Variants in HEG1 observed in about 807,000 individuals in gnomAD.
The protein encoded by HEG1 is heart development protein with EGF like domains 1.
In HEG1, 56 loss-of-function variants were observed where a neutral mutation model predicts 125.6. The ratio of observed to expected loss-of-function variants is 0.45; its 90% confidence interval spans 0.36 to 0.56. The LOEUF is 0.56. Ranked by LOEUF, HEG1 falls within the 20% of genes least tolerant of loss-of-function variation. HEG1 has a pLI of 0.00. For synonymous variants in HEG1, 644 were observed against 668.5 expected, an observed-to-expected ratio of 0.96 and a Z score of 0.57; for missense variants, 1,523 against 1,670.0, an observed-to-expected ratio of 0.91 and a Z score of 1.53.
chr3:125,014,614 T>C (rs1017005283), intron 5 of HEG1: 17 of 1,058,306 alleles, frequency 1.6e-5, no homozygotes, highest in Non-Finnish European at 2.0e-5. Flanking sequence ...TGTAAGGCAC[T>C]TTCTGGCTTG....
intron 1 of HEG1, among the ~76,000 whole-genome samples, chr3:125,031,378 T>A (rs945695401): frequency 2.0e-5 from 3 of 152,098 alleles, no homozygotes; most frequent in Non-Finnish European, 4.4e-5. Context: ...GAATCCAATA[T>A]CAAATATGGG....
intron 12 of HEG1, among the ~76,000 whole-genome samples, chr3:124,996,709 T>C (rs1163769966): frequency 3.3e-5 from 5 of 152,222 alleles, no homozygotes; most frequent in Non-Finnish European, 7.3e-5. Flanking sequence ...AGTCCTCTCA[T>C]GGGAAGTCCT....
chr3:125,007,951 C>T (rs1937096151), intron 8 of HEG1, among the ~76,000 whole-genome samples: 1 of 151,784 alleles, frequency 6.6e-6, no homozygotes, highest in Non-Finnish European at 1.5e-5. Flanking sequence ...ACTGTGCAGC[C>T]CAGGCTGGAA....
At chr3:124,987,742 A>G (rs925617580) in intron 14 of HEG1, among the ~76,000 whole-genome samples, 1 of 150,340 alleles carries the variant, frequency 6.7e-6, no homozygotes, top group East Asian at 1.9e-4. Flanking sequence ...GGACGGTCTC[A>G]ATCTCCTGAC....
intron 8 of HEG1, among the ~76,000 whole-genome samples, chr3:125,006,311 T>A (rs1375144857): frequency 6.6e-6 from 1 of 152,200 alleles, no homozygotes; most frequent in Non-Finnish European, 1.5e-5. Context: ...TAACATCAAT[T>A]TGTGCTGATT....
chr3:125,010,961 G>A (rs1051488525), intron 6 of HEG1, among the ~76,000 whole-genome samples: 1 of 152,216 alleles, frequency 6.6e-6, no homozygotes, highest in African/African-American at 2.4e-5. Context: ...GATTTACTCT[G>A]TATACGTGTG....
intron 12 of HEG1, among the ~76,000 whole-genome samples, chr3:124,993,540 TG>T (rs1485933135): frequency 6.6e-6 from 1 of 152,120 alleles, no homozygotes. Flanking sequence ...CAGCAGGACG[TG>T]GGAGTGGGGG....
In HEG1 at chr3:124,970,574, G is replaced by A. The variant is rs568851969; in HGVS notation, c.*78C>T. 8.9e-5 allele frequency: 120 copies of A among 1,347,172 alleles called. No homozygotes were observed. Among genetic ancestry groups the A allele is most frequent in the Middle Eastern group, 7.5e-4 (3 of 3,980 alleles). 83.5% of individuals were successfully genotyped at this position (1,347,172 alleles called of 1,614,324 possible). On this transcript the variant is annotated 3_prime_UTR_variant, in exon 17 of 17. Transcript: ENST00000311127. ...GCGTGGCTCCCGACAAATCCTGGGC[G>A]CAGCCTCCTGGTGCGGTCCTCTGAG... is the stretch of plus-strand genomic sequence containing the variant.
intron 16 of HEG1, among the ~76,000 whole-genome samples, chr3:124,971,430 C>T (rs1299305856): frequency 7.1e-6 from 1 of 140,710 alleles, no homozygotes; most frequent in Non-Finnish European, 1.5e-5. Flanking sequence ...TTCCTTTCTC[C>T]TTTCCCTTTC....
intron 1 of HEG1, among the ~76,000 whole-genome samples, chr3:125,044,881 A>T (rs928370608): frequency 2.0e-5 from 3 of 152,154 alleles, no homozygotes; most frequent in Non-Finnish European, 4.4e-5. Context: ...ACAAACAGGG[A>T]TATGACATCT....
chr3:125,039,397 G>C (rs1454458039), intron 1 of HEG1, among the ~76,000 whole-genome samples: 1 of 152,086 alleles, frequency 6.6e-6, no homozygotes, highest in Non-Finnish European at 1.5e-5. Flanking sequence ...GGAGTGAGTA[G>C]GAGCATACAG....
intron 5 of HEG1, chr3:125,014,905 C>G (rs1937221757): frequency 7.8e-7 from 1 of 1,289,736 alleles, no homozygotes. Flanking sequence ...TTTCCAGTGA[C>G]AGTAGCCAAG....
chr3:125,050,142 CTTTTT>C (rs35715939), intron 1 of HEG1, among the ~76,000 whole-genome samples: 3 of 113,560 alleles, frequency 2.6e-5, no homozygotes, highest in Non-Finnish European at 1.8e-5. Context: ...CACCAACTCT[CTTTTT>C]TTTTTTTTTT....
At chr3:125,040,530 TC>T (rs1282551962) in intron 1 of HEG1, among the ~76,000 whole-genome samples, 2 of 152,086 alleles carry the variant, frequency 1.3e-5, no homozygotes, top group African/African-American at 4.8e-5. Context: ...CGTTCCTGCC[TC>T]CCCGGTAGAG....
intron 1 of HEG1, among the ~76,000 whole-genome samples, chr3:125,053,564 T>C (rs914091078): frequency 6.6e-6 from 1 of 152,188 alleles, no homozygotes; most frequent in Non-Finnish European, 1.5e-5. Flanking sequence ...TTGGGTGGTG[T>C]CTGTGGGGCA....
Position 125,009,711 on chromosome 3 carries a change from T to C in HEG1, c.3187A>G (p.Asn1063Asp). ...AATAGACTAAGTCTCTTACCCAAAT[T>C]GCATATCCCTTTTTCCAACTGGTAC... ...VGYQLEKGICNLVRTFVTEFK... is the reference protein window; with the variant it reads ...VGYQLEKGICDLVRTFVTEFK... The change falls in exon 8 of 17, where the codon AAT (asparagine) becomes GAT (aspartate). Residue 1063 changes from asparagine to aspartate, a missense_variant. By Grantham distance (23) the Asn-to-Asp change is conservative. Coordinates refer to ENST00000311127, the MANE Select transcript of HEG1 (RefSeq NM_020733.2). The C allele has an allele frequency of 3.7e-6, 6 of 1,612,080 alleles. No individual in the cohort carries two copies. Among genetic ancestry groups the C allele is most frequent in the Non-Finnish European group, 5.1e-6 (6 of 1,178,620 alleles).
intron 15 of HEG1, among the ~76,000 whole-genome samples, chr3:124,974,669 C>T (rs890469878): frequency 6.6e-6 from 1 of 152,238 alleles, no homozygotes; most frequent in African/African-American, 2.4e-5. Flanking sequence ...CTTCACCTAT[C>T]TAACCGGTCC....
chr3:124,996,872 T>C (rs1322737967), intron 12 of HEG1, among the ~76,000 whole-genome samples: 2 of 152,196 alleles, frequency 1.3e-5, no homozygotes, highest in Non-Finnish European at 2.9e-5. Flanking sequence ...TTTCTGGTGA[T>C]TGCAAGTTGC....
chr3:125,007,572 T>C (rs1302449541), intron 8 of HEG1, among the ~76,000 whole-genome samples: 3 of 152,244 alleles, frequency 2.0e-5, no homozygotes, highest in Non-Finnish European at 4.4e-5. Context: ...TAAAGTTAAA[T>C]GGTACCTCCC....
Sources: allele counts gnomAD v4.1 joint callset (sites outside exome capture counted in the v4.1 genomes callset), GRCh38; gene constraint gnomAD v4.1.1; transcripts MANE v1.5; gene names NCBI Gene and HGNC (gene_info 2026-07-23, HGNC 2026-07-21).